MAPK8IP3: variants seen among roughly 807,000 people sequenced by gnomAD.
MAPK8IP3 encodes the protein C-Jun-amino-terminal kinase-interacting protein 3.
In MAPK8IP3, 49 loss-of-function variants were observed where a neutral mutation model predicts 157.8. That is an observed-to-expected ratio of 0.31 (90% CI 0.25 to 0.39). The LOEUF is 0.39. MAPK8IP3 is among the 10% of genes least tolerant of loss of function. The pLI is 1.00. For synonymous variants in MAPK8IP3, 897 were observed against 777.7 expected (o/e 1.15, Z -2.55); for missense variants, 1,478 against 1,889.4 (o/e 0.78, Z 4.04).
At position 1,737,046 on chromosome 16, in the gene MAPK8IP3, G is replaced by A. The variant is rs1254592191; in HGVS notation, c.603-6286G>A. ...TGACCATCCATGTGAGCATCCGTGTGACCGTCCGTGTGAGCGTCCGTGTGA... is the reference window on the plus strand; with the variant it reads ...TGACCATCCATGTGAGCATCCGTGTAACCGTCCGTGTGAGCGTCCGTGTGA... On this transcript the variant is annotated intron_variant, in intron 4 of 31. Transcript: ENST00000610761. Among the ~76,000 whole-genome samples the A allele has an allele frequency of 2.3e-5, 2 of 85,774 alleles. 1 individual carries two copies. The highest frequency in any genetic ancestry group is 4.7e-5 in the Non-Finnish European group (2 of 42,902). The allele number at this position is 85,774 out of a possible 152,430, so 56.3% of individuals were successfully genotyped here. A position where few individuals can be genotyped will look rare whatever the true frequency, so the allele number is the denominator to read the frequency against.
intron 4 of MAPK8IP3, among the ~76,000 whole-genome samples, chr16:1,734,564 G>A (rs183757495): frequency 4.9e-4 from 75 of 152,336 alleles, no homozygotes; most frequent in Admixed American, 1.8e-3. Flanking sequence ...AGGAAGGCAC[G>A]GCCCCCCTCC....
intron 1 of MAPK8IP3, among the ~76,000 whole-genome samples, chr16:1,711,782 A>G (rs1322944430): frequency 6.6e-6 from 1 of 152,040 alleles, no homozygotes; most frequent in Non-Finnish European, 1.5e-5. Flanking sequence ...TCTACTAAAA[A>G]TACAAAAATT....
At chr16:1,761,900 C>T (rs1049317419) in intron 13 of MAPK8IP3, among the ~76,000 whole-genome samples, 2 of 152,226 alleles carry the variant, frequency 1.3e-5, no homozygotes, top group African/African-American at 4.8e-5. Flanking sequence ...CCCGGGGACT[C>T]ACCGGCGCTT....
At chr16:1,767,521 C>G in intron 26 of MAPK8IP3, 43 bp from the exon 27 acceptor site, 2 of 1,592,416 alleles carry the variant, frequency 1.3e-6, no homozygotes, top group Non-Finnish European at 1.7e-6. Flanking sequence ...CCCACTTCCT[C>G]TCCTCTCCCC....
intron 1 of MAPK8IP3, among the ~76,000 whole-genome samples, chr16:1,715,768 G>A (rs1007774203): frequency 4.0e-5 from 6 of 150,784 alleles, no homozygotes; most frequent in Non-Finnish European, 8.8e-5. Context: ...TCACTCTGTC[G>A]CCTAGGCTGG....
intron 13 of MAPK8IP3, among the ~76,000 whole-genome samples, chr16:1,761,734 T>G (rs1048785239): frequency 6.6e-6 from 1 of 151,356 alleles, no homozygotes; most frequent in African/African-American, 2.4e-5. Context: ...TTCCCACACA[T>G]TCACACGCCG....
intron 1 of MAPK8IP3, among the ~76,000 whole-genome samples, chr16:1,722,698 C>CA (rs762853885): frequency 1.5e-3 from 197 of 134,924 alleles, no homozygotes; most frequent in Middle Eastern, 3.7e-3. Flanking sequence ...GACCCCATCT[C>CA]AAAAAAAAAA....
intron 4 of MAPK8IP3, among the ~76,000 whole-genome samples, chr16:1,736,180 G>A (rs1006127212): frequency 4.8e-5 from 6 of 124,890 alleles, no homozygotes; most frequent in Admixed American, 8.9e-5. Flanking sequence ...CCGTGTGAGC[G>A]TGTGACCGTC....
At position 1,768,759 on chromosome 16, in the gene MAPK8IP3, C is replaced by T. The variant is rs747064543; in HGVS notation, c.3949C>T (p.Pro1317Ser). The change falls in exon 32 of 32, where the codon CCC becomes TCC. Residue 1317 changes from proline (P) to serine (S), a missense_variant. Transcript: ENST00000610761. ...CGCAGGGGACATGAGCCAGGTGAAGCCCGTGCTGTCCAAGGCAGAGCGCAG... is the reference window on the plus strand; with the variant it reads ...CGCAGGGGACATGAGCCAGGTGAAGTCCGTGCTGTCCAAGGCAGAGCGCAG... ...EGAGDMSQVK[P>S]VLSKAERSHI... 1.2e-6 allele frequency: 2 copies of T among 1,612,804 alleles called. No individual in the cohort carries two copies. Among genetic ancestry groups the T allele is most frequent in the East Asian group, 2.2e-5 (1 of 44,866 alleles).
chr16:1,767,709 T>C lies in MAPK8IP3; in HGVS notation c.3383T>C (p.Ile1128Thr). 3.1e-6 allele frequency: 5 copies of C among 1,612,792 alleles called. No individual in the cohort carries two copies. The highest frequency in any genetic ancestry group is 4.2e-6 in the Non-Finnish European group (5 of 1,179,956). Residue 1128 changes from isoleucine to threonine, a missense_variant, in exon 27 of 32, where the codon ATT becomes ACT. Around this residue, in one of 11 missense-constraint regions of MAPK8IP3, gnomAD observed 68 missense variants for 125.1 expected, o/e 0.54. Coordinates refer to ENST00000610761, the MANE Select transcript of MAPK8IP3 (RefSeq NM_001318852.2). ...HTHQHLQDVD[I>T]EPYVSKMLGT... Reference sequence around the variant, plus strand: ...CACCAGCATCTACAGGACGTGGACATTGAGCCCTACGTCAGCAAGATGCTA... The same window carrying C: ...CACCAGCATCTACAGGACGTGGACACTGAGCCCTACGTCAGCAAGATGCTA...
intron 2 of MAPK8IP3, among the ~76,000 whole-genome samples, chr16:1,727,167 G>A (rs1183033638): frequency 6.6e-6 from 1 of 151,764 alleles, no homozygotes; most frequent in African/African-American, 2.4e-5. Context: ...TGGAGGGTCT[G>A]TGAGTGTCGT....
chr16:1,764,092 C>A (rs182494933), intron 17 of MAPK8IP3, 23 bp from the exon 18 acceptor site: 3 of 1,575,934 alleles, frequency 1.9e-6, no homozygotes, highest in Admixed American at 1.7e-5. Flanking sequence ...TTCGTGCCCA[C>A]GGCGCCTCCC....
chr16:1,714,886 A>G (rs35988159), intron 1 of MAPK8IP3, among the ~76,000 whole-genome samples: 17,205 of 152,134 alleles, frequency 0.11, 1,353 homozygotes, highest in African/African-American at 0.23. Flanking sequence ...GTAAACTCCT[A>G]AGAATGCACC....
At chr16:1,762,230 GC>G in intron 13 of MAPK8IP3, 120 bp from the exon 14 acceptor site, 2 of 1,333,520 alleles carry the variant, frequency 1.5e-6, no homozygotes, top group Non-Finnish European at 2.0e-6. Context: ...ACCGCTTCTT[GC>G]CTGAGGATCT....
intron 1 of MAPK8IP3, among the ~76,000 whole-genome samples, chr16:1,712,181 C>T (rs1406373197): frequency 6.6e-6 from 1 of 150,494 alleles, no homozygotes; most frequent in African/African-American, 2.4e-5. Flanking sequence ...TCTGCCTCAG[C>T]CTCCCGAGTA....
intron 1 of MAPK8IP3, among the ~76,000 whole-genome samples, chr16:1,717,235 CAAAAAAAAAA>C (rs1169533483): frequency 1.7e-5 from 1 of 60,406 alleles, no homozygotes; most frequent in African/African-American, 4.7e-5. Flanking sequence ...AACTCCATCT[CAAAAAAAAAA>C]AAAAAAAAAG....
chr16:1,744,275 GGCAGA>G, intron 5 of MAPK8IP3: 1 of 985,718 alleles, frequency 1.0e-6, no homozygotes, highest in Non-Finnish European at 1.2e-6. Flanking sequence ...TGTCCACAGA[GGCAGA>G]GCCCTTGGGG....
chr16:1,727,301 TGTGA>T (rs1306339759), intron 2 of MAPK8IP3, among the ~76,000 whole-genome samples: 5 of 150,006 alleles, frequency 3.3e-5, no homozygotes, highest in Non-Finnish European at 5.9e-5. Flanking sequence ...GCAGCGTCTG[TGTGA>T]GTGTCGTGTG....
intron 1 of MAPK8IP3, among the ~76,000 whole-genome samples, chr16:1,711,736 T>G (rs2037783057): frequency 6.6e-6 from 1 of 152,038 alleles, no homozygotes; most frequent in Non-Finnish European, 1.5e-5. Flanking sequence ...GGTAAGGAGT[T>G]CGAGACCAGC....
Sources: gnomAD v4.1 joint callset for allele counts (sites outside exome capture counted in the v4.1 genomes callset) on GRCh38, gnomAD v4.1.1 for gene constraint, gnomAD v4.1.1 regional missense constraint, MANE v1.5 for transcripts, NCBI Gene and HGNC (gene_info 2026-07-23, HGNC 2026-07-21) for gene names.